EIF3B: variants seen among roughly 807,000 people sequenced by gnomAD.
EIF3B encodes the protein eukaryotic translation initiation factor 3 subunit 9.
A neutral mutation model predicts 104.6 loss-of-function variants in EIF3B; 10 were observed. The observed-to-expected ratio is 0.10, with a 90% CI of 0.06 to 0.16. The LOEUF (loss-of-function observed/expected upper bound fraction) is 0.16. Ranked by LOEUF, EIF3B falls within the 10% of genes least tolerant of loss-of-function variation. The pLI is 1.00. For missense variants in EIF3B, 1,014 were observed against 1,087.9 expected, an observed-to-expected ratio of 0.93 and a Z score of 0.96; for synonymous variants, 542 against 417.2, an observed-to-expected ratio of 1.30 and a Z score of -3.65.
chr7:2,366,953 A>G, intron 8 of EIF3B, 46 bp from the exon 9 acceptor site: 2 of 1,585,878 alleles, frequency 1.3e-6, no homozygotes, highest in Non-Finnish European at 1.7e-6. Context: ...TTTCTGAGAC[A>G]CTGACATGAT....
rs1465569018 is a variant in EIF3B, at chr7:2,372,785, T to G, written c.1800T>G (p.Ile600Met). The G allele has an allele frequency of 6.2e-7, 1 of 1,614,034 alleles. No homozygotes were observed. The highest frequency in any genetic ancestry group is 8.5e-7 in the Non-Finnish European group (1 of 1,179,954). ...ACCACGTCAAAAACAACGGGAAGAT[T>G]GAACTCATCAGTAAGTAACCTGGTC... ...SFYHVKNNGK[I>M]ELIKMFDKQQ... is the part of the protein sequence containing the mutation. Residue 600 changes from isoleucine to methionine, a missense_variant, in exon 12 of 19, where the codon ATT (isoleucine) becomes ATG (methionine). Ile to Met is a conservative substitution (Grantham distance 10, BLOSUM62 1). Around this residue, in one of 4 missense-constraint regions of EIF3B, gnomAD observed 266 missense variants for 324.0 expected, o/e 0.82. Transcript: ENST00000360876.
chr7:2,355,258 C>G lies in EIF3B; in HGVS notation c.337C>G (p.Arg113Gly). The G allele has an allele frequency of 4.6e-6, 7 of 1,530,316 alleles. No individual in the cohort carries two copies. Among genetic ancestry groups the G allele is most frequent in the Non-Finnish European group, 6.1e-6 (7 of 1,145,144 alleles). 94.8% of individuals were successfully genotyped at this position (1,530,316 alleles called of 1,614,324 possible). The change falls in exon 1 of 19, where the codon CGG (arginine) becomes GGG (glycine). Residue 113 changes from arginine to glycine, a missense_variant. Physicochemically the swap from Arg to Gly is moderately radical, Grantham distance 125. Coordinates refer to ENST00000360876, the MANE Select transcript of EIF3B (RefSeq NM_001037283.2). ...AQGEAPGEQA[R>G]DERSDSRAQA... ...GGGCGAGGCCCCAGGAGAGCAGGCT[C>G]GGGACGAGCGCTCCGACAGCCGGGC...
chr7:2,379,591 C>T (rs1780884092), intron 18 of EIF3B, 80 bp downstream of exon 18: 3 of 912,914 alleles, frequency 3.3e-6, no homozygotes, highest in East Asian at 2.6e-5. Flanking sequence ...TGAGGAAGCA[C>T]CTCCTTTAAG....
chr7:2,362,950 T>G, intron 3 of EIF3B, 120 bp from the exon 4 acceptor site: 1 of 1,447,022 alleles, frequency 6.9e-7, no homozygotes, highest in Middle Eastern at 1.8e-4. Context: ...CTCCCTGTTA[T>G]GCCAGTCACA....
At position 2,354,897 on chromosome 7, in the gene EIF3B, C is replaced by G. The variant is rs1019506769; in HGVS notation, c.-25C>G. ...GTCGGAAGCGCGGCGGCCGCGGAGC[C>G]CTGCGAGTAGGCAGCGTTGGGCCCA... On this transcript the variant is annotated 5_prime_UTR_variant, in exon 1 of 19. Coordinates refer to ENST00000360876, the MANE Select transcript of EIF3B (RefSeq NM_001037283.2). 2.5e-6 allele frequency: 3 copies of G among 1,176,588 alleles called. No individual in the cohort carries two copies. The South Asian group carries it at 9.5e-5, about 37-fold the overall frequency. 72.9% of individuals were successfully genotyped at this position (1,176,588 alleles called of 1,614,324 possible). A position where few individuals can be genotyped will look rare whatever the true frequency, so the allele number is the denominator to read the frequency against.
chr7:2,368,096 A>G (rs1466560031), intron 9 of EIF3B, among the ~76,000 whole-genome samples: 1 of 150,700 alleles, frequency 6.6e-6, no homozygotes, highest in Non-Finnish European at 1.5e-5. Context: ...TGCCCACCTC[A>G]GCCTCCCAAA....
chr7:2,371,870 T>C (rs1222786796), intron 11 of EIF3B, 21 bp downstream of exon 11: 1 of 1,601,080 alleles, frequency 6.2e-7, no homozygotes, highest in East Asian at 2.2e-5. Flanking sequence ...TTTTAGTCAC[T>C]TTGAGGCGAA....
Position 2,375,348 on chromosome 7 carries a change from T to C in EIF3B, c.1890-41T>C, listed in dbSNP as rs755104934. On this transcript the variant is annotated intron_variant, in intron 13 of 18. Transcript: ENST00000360876. ...CTCAGGAGTGGGATGCCAGGAGGTA[T>C]GCGTCTCCATGAAGCCTGACGGTCC... 15 of 1,609,722 alleles carry C rather than the reference T, an allele frequency of 9.3e-6. No homozygotes were observed. The African/African-American group carries it at 1.6e-4, about 17-fold the overall frequency.
intron 9 of EIF3B, 22 bp downstream of exon 9, chr7:2,367,067 G>T: frequency 6.3e-7 from 1 of 1,598,424 alleles, no homozygotes; most frequent in Non-Finnish European, 8.5e-7. Context: ...TATCAGTTTG[G>T]TGTCTTAGTG....
chr7:2,362,691 G>A lies in EIF3B; in HGVS notation c.739G>A (p.Val247Met), dbSNP rs1482849508. Residue 247 changes from valine (V) to methionine (M), a missense_variant, in exon 3 of 19, where the codon GTG (valine) becomes ATG (methionine). Physicochemically the swap from Val to Met is conservative, Grantham distance 21 (BLOSUM62 1). Coordinates refer to ENST00000360876, the MANE Select transcript of EIF3B (RefSeq NM_001037283.2). ...GTCCCCTGCCCACGCTGTGGATGCTGTGAAGAACGCCGACGGCTACAAGCT... is the reference window on the plus strand; with the variant it reads ...GTCCCCTGCCCACGCTGTGGATGCTATGAAGAACGCCGACGGCTACAAGCT... ...YASPAHAVDA[V>M]KNADGYKLDK... 6.2e-7 allele frequency: 1 copy of A among 1,614,134 alleles called. No individual in the cohort carries two copies. Among genetic ancestry groups the A allele is most frequent in the Admixed American group, 1.7e-5 (1 of 60,010 alleles).
intron 1 of EIF3B, among the ~76,000 whole-genome samples, chr7:2,356,625 G>T (rs949554621): frequency 4.2e-5 from 6 of 142,506 alleles, no homozygotes; most frequent in Admixed American, 2.1e-4. Context: ...AAAAGAAAAA[G>T]AAAAAAAGGT....
At chr7:2,371,681 A>G (rs865774660) in intron 10 of EIF3B, 96 bp from the exon 11 acceptor site, 2 of 990,054 alleles carry the variant, frequency 2.0e-6, no homozygotes, top group Non-Finnish European at 1.6e-6. Context: ...AGGCATGCAC[A>G]CTGAATCTTT....
intron 6 of EIF3B, 49 bp downstream of exon 6, chr7:2,364,578 C>T: frequency 6.6e-7 from 1 of 1,512,168 alleles, no homozygotes; most frequent in Non-Finnish European, 9.1e-7. Context: ...CACCCCATGC[C>T]AGCCTTCTAC....
chr7:2,367,903 G>T, intron 9 of EIF3B, among the ~76,000 whole-genome samples: 1 of 127,876 alleles, frequency 7.8e-6, no homozygotes, highest in African/African-American at 3.1e-5. Context: ...GTAGAGTGGC[G>T]AGATCTTGGC....
chr7:2,355,163 C>T lies in EIF3B; in HGVS notation c.242C>T (p.Ser81Phe), dbSNP rs1298891834. The stretch of plus-strand genomic sequence containing the variant: ...GAGGCAGAGGCGGCCTCCGGCCCGT[C>T]CGAGTCGCCCTCGCCGCCGGCCGCC... ...AAEAEAASGP[S>F]ESPSPPAAEE... The change falls in exon 1 of 19, where the codon TCC (serine) becomes TTC (phenylalanine). Residue 81 changes from serine (S) to phenylalanine (F), a missense_variant. Ser to Phe is a radical substitution (Grantham distance 155, BLOSUM62 -2). Transcript: ENST00000360876. The T allele has an allele frequency of 1.4e-6, 2 of 1,454,334 alleles. No homozygotes were observed. Among genetic ancestry groups the T allele is most frequent in the Non-Finnish European group, 1.8e-6 (2 of 1,113,134 alleles). The allele number at this position is 1,454,334 out of a possible 1,614,324, so 90.1% of individuals were successfully genotyped here.
intron 1 of EIF3B, among the ~76,000 whole-genome samples, chr7:2,358,910 T>C (rs1442791431): frequency 6.6e-6 from 1 of 152,018 alleles, no homozygotes; most frequent in Non-Finnish European, 1.5e-5. Context: ...CACCTACCAC[T>C]AAGAAAAAAA....
In EIF3B at chr7:2,364,225, G is replaced by T; in HGVS notation, c.1000-147G>T. 9 of 699,080 alleles carry T rather than the reference G, an allele frequency of 1.3e-5. No homozygotes were observed. The South Asian group carries it at 1.9e-4, about 15-fold the overall frequency. 43.3% of individuals were successfully genotyped at this position (699,080 alleles called of 1,614,324 possible). A position where few individuals can be genotyped will look rare whatever the true frequency, so the allele number is the denominator to read the frequency against. On this transcript the variant is annotated intron_variant, in intron 5 of 18. Transcript: ENST00000360876. ...TGCAGTGAGCTGAGATTGCGCCACT[G>T]CACTCCAGCCTGGGAGACAGCGAGA...
intron 15 of EIF3B, 130 bp downstream of exon 15, chr7:2,377,205 T>C: frequency 8.0e-7 from 1 of 1,250,834 alleles, no homozygotes; most frequent in East Asian, 2.6e-5. Flanking sequence ...AAGGATTCTT[T>C]GAAGAGACGC....
In EIF3B at chr7:2,371,858, T is replaced by C; in HGVS notation, c.1687+9T>C. 6.2e-7 allele frequency: 1 copy of C among 1,612,532 alleles called. No individual in the cohort carries two copies. The highest frequency in any genetic ancestry group is 8.5e-7 in the Non-Finnish European group (1 of 1,178,634). On this transcript the variant is annotated intron_variant, in intron 11 of 18. Coordinates refer to ENST00000360876, the MANE Select transcript of EIF3B (RefSeq NM_001037283.2). ...TGTGGTCGAGATGAAAGGCAAGTTG[T>C]ATTTTAGTCACTTTGAGGCGAATGG...
Sources: gnomAD v4.1 joint callset for allele counts (sites outside exome capture counted in the v4.1 genomes callset) on GRCh38, gnomAD v4.1.1 for gene constraint, gnomAD v4.1.1 regional missense constraint, MANE v1.5 for transcripts, NCBI Gene and HGNC (gene_info 2026-07-23, HGNC 2026-07-21) for gene names.